PAFAH1B2: variants seen among roughly 807,000 people sequenced by gnomAD.
The protein encoded by PAFAH1B2 is platelet-activating factor acetylhydrolase IB subunit alpha2.
Under a neutral mutation model 28.0 loss-of-function variants are expected in PAFAH1B2, and 8 were observed. The ratio of observed to expected loss-of-function variants is 0.29; its 90% CI spans 0.17 to 0.52. The LOEUF (loss-of-function observed/expected upper bound fraction) is 0.52. Among genes scored for constraint, PAFAH1B2 ranks in the 20% least tolerant of loss-of-function variants. The probability of loss-of-function intolerance (pLI) is 0.97; values close to 1 mark genes in which losing one functional copy is unlikely to be tolerated. For synonymous variants in PAFAH1B2, 104 were observed against 103.2 expected (o/e 1.01, Z -0.05); for missense variants, 190 against 282.6 (o/e 0.67, Z 2.35).
In PAFAH1B2 at chr11:117,144,314, G is replaced by C. The variant is rs760290606; in HGVS notation, c.-112G>C. 1.5e-5 allele frequency: 6 copies of C among 397,856 alleles called. No individual in the cohort carries two copies. The highest frequency in any genetic ancestry group is 8.4e-5 in the South Asian group (5 of 59,646). 24.6% of individuals were successfully genotyped at this position (397,856 alleles called of 1,614,324 possible). On this transcript the variant is annotated 5_prime_UTR_variant, in exon 1 of 6. Coordinates refer to ENST00000527958, the MANE Select transcript of PAFAH1B2 (RefSeq NM_002572.4). ...AGGAGCTGCTGCTGGTGCTGGGGCC[G>C]GAGGAGGGACGCGCCGGAGCGGGAC...
At chr11:117,149,110 T>A (rs1301658684) in intron 1 of PAFAH1B2, among the ~76,000 whole-genome samples, 1 of 150,278 alleles carries the variant, frequency 6.7e-6, no homozygotes, top group East Asian at 2.0e-4. Context: ...CTTGAACTTC[T>A]GACCTCAGGT....
In PAFAH1B2 at chr11:117,168,446, GTTTTTTTTTTTTTTTT is replaced by G; in HGVS notation, c.*757_*772del. 6 of 234,820 alleles carry G rather than the reference GTTTTTTTTTTTTTTTT, an allele frequency of 2.6e-5. No homozygotes were observed. The highest frequency in any genetic ancestry group is 3.0e-5 in the Non-Finnish European group (6 of 200,708). The allele number at this position is 234,820 out of a possible 1,614,324, so 14.5% of individuals were successfully genotyped here. A position where few individuals can be genotyped will look rare whatever the true frequency, so the allele number is the denominator to read the frequency against. ...TCCCCTTCATTCCCCCCGCCACCCC[GTTTTTTTTTTTTTTTT>G]TTTTTTTTTGGTTCTTGTTGACATT... On this transcript the variant is annotated 3_prime_UTR_variant, in exon 6 of 6. Transcript: ENST00000527958.
At position 117,170,214 on chromosome 11, in the gene PAFAH1B2, A is replaced by G. The variant is rs1225451524; in HGVS notation, c.*2515A>G. 3 of 1,058,950 alleles carry G rather than the reference A, an allele frequency of 2.8e-6. No individual in the cohort carries two copies. The highest frequency in any genetic ancestry group is 1.6e-5 in the African/African-American group (1 of 60,736). The allele number at this position is 1,058,950 out of a possible 1,614,324, so 65.6% of individuals were successfully genotyped here. On this transcript the variant is annotated 3_prime_UTR_variant, in exon 6 of 6. Transcript: ENST00000527958. Reference sequence around the variant, plus strand: ...AGTCTTTGTACTTTTTAAAAAATCTATAAATTTAATGCACTGTCCAAGTGA... The same window carrying G: ...AGTCTTTGTACTTTTTAAAAAATCTGTAAATTTAATGCACTGTCCAAGTGA...
At chr11:117,175,554 C>G, downstream of PAFAH1B2, 1 of 1,111,346 alleles carries the variant, frequency 9.0e-7, no homozygotes, top group Admixed American at 4.9e-5. Context: ...GGATTTCTCT[C>G]CAGATATTGC....
chr11:117,175,344 C>T, downstream of PAFAH1B2: 11 of 1,069,664 alleles, frequency 1.0e-5, no homozygotes, highest in Non-Finnish European at 1.2e-5. Flanking sequence ...CATTCTCTCC[C>T]AGTGGACAGA....
chr11:117,176,897 C>CT (rs2030012674), downstream of PAFAH1B2: 1 of 146,810 alleles, frequency 6.8e-6, no homozygotes, highest in Non-Finnish European at 1.5e-5. Flanking sequence ...AAAAAAAAGT[C>CT]TAATTTGTCT....
At chr11:117,176,267 ATCC>A (rs2029975541) in exon 6 of PAFAH1B2, 1 of 398,932 alleles carries the variant, frequency 2.5e-6, no homozygotes, top group Non-Finnish European at 4.5e-6. Flanking sequence ...TCTGGTCTTC[ATCC>A]TCAAGTATGC....
chr11:117,156,829 A>G (rs1005480207), intron 2 of PAFAH1B2, among the ~76,000 whole-genome samples: 2 of 152,112 alleles, frequency 1.3e-5, no homozygotes, highest in South Asian at 2.1e-4. Context: ...AGCCTGGGAA[A>G]CATAGCAAAA....
rs1055134692 is a variant in PAFAH1B2, at chr11:117,170,334, C to T, written c.*2635C>T. The T allele has an allele frequency of 1.3e-5, 14 of 1,060,848 alleles. No homozygotes were observed. In the Admixed American group the frequency reaches 1.6e-4, roughly 12 times the overall value. 65.7% of individuals were successfully genotyped at this position (1,060,848 alleles called of 1,614,324 possible). ...CTCTCCCAGCAAATTTGTATTCCTT[C>T]GCCCACGCATTCCTGCTATACTAGA... On this transcript the variant is annotated 3_prime_UTR_variant, in exon 6 of 6. Coordinates refer to ENST00000527958, the MANE Select transcript of PAFAH1B2 (RefSeq NM_002572.4).
rs1956610037 is a variant in PAFAH1B2 at position 117,169,925 on chromosome 11, A to G, written c.*2226A>G. 9.5e-7 allele frequency: 1 copy of G among 1,053,558 alleles called. No homozygotes were observed. Among genetic ancestry groups the G allele is most frequent in the Admixed American group, 5.5e-5 (1 of 18,320 alleles). 65.3% of individuals were successfully genotyped at this position (1,053,558 alleles called of 1,614,324 possible). On this transcript the variant is annotated 3_prime_UTR_variant, in exon 6 of 6. Transcript: ENST00000527958. ...AGCTTCTCTCTTGACTGAGGATCAA[A>G]TATCCCTTTGTGAGCTGGCCCTCAG...
chr11:117,161,906 G>A (rs1956380646), intron 4 of PAFAH1B2, among the ~76,000 whole-genome samples: 1 of 152,142 alleles, frequency 6.6e-6, no homozygotes. Flanking sequence ...GGCCATGGGA[G>A]CAGGGCCATG....
At position 117,163,814 on chromosome 11, in the gene PAFAH1B2, A is replaced by G. The variant is rs1323995213; in HGVS notation, c.333A>G (p.Ala111=). Residue 111 remains alanine (A), a synonymous_variant, in exon 5 of 6, where the codon GCA becomes GCG. Transcript: ENST00000527958. ...WVGTNNHENT[A]EEVAGGIEAI... is the part of the protein sequence containing the mutation. ...GAACAAATAACCACGAAAATACAGC[A>G]GAAGAAGTAGCAGGTGGGATCGAGG... 1 of 1,614,098 alleles carries G rather than the reference A, an allele frequency of 6.2e-7. No homozygotes were observed. The highest frequency in any genetic ancestry group is 1.7e-5 in the Admixed American group (1 of 60,020).
intron 2 of PAFAH1B2, chr11:117,159,405 A>G (rs930526702): frequency 6.6e-6 from 1 of 152,250 alleles, no homozygotes; most frequent in Non-Finnish European, 1.5e-5. Context: ...GAAGTCTCAC[A>G]GGGAAAGAAA....
chr11:117,169,107 T>C lies in PAFAH1B2; in HGVS notation c.*1408T>C. The stretch of plus-strand genomic sequence containing the variant: ...TGCCTGGCCTTATTGGCTTAGTTTT[T>C]AAATTATCCTCCAAAAATTTTGGGC... On this transcript the variant is annotated 3_prime_UTR_variant, in exon 6 of 6. Coordinates refer to ENST00000527958, the MANE Select transcript of PAFAH1B2 (RefSeq NM_002572.4). 1 of 1,020,830 alleles carries C rather than the reference T, an allele frequency of 9.8e-7. No homozygotes were observed. The highest frequency in any genetic ancestry group is 1.2e-6 in the Non-Finnish European group (1 of 850,918). The allele number at this position is 1,020,830 out of a possible 1,614,324, so 63.2% of individuals were successfully genotyped here.
Position 117,170,304 on chromosome 11 carries a change from T to C in PAFAH1B2, c.*2605T>C. 9.4e-7 allele frequency: 1 copy of C among 1,062,164 alleles called. No homozygotes were observed. The highest frequency in any genetic ancestry group is 4.6e-5 in the South Asian group (1 of 21,874). 65.8% of individuals were successfully genotyped at this position (1,062,164 alleles called of 1,614,324 possible). A position where few individuals can be genotyped will look rare whatever the true frequency, so the allele number is the denominator to read the frequency against. ...CAGGCAGCTAGCAGAGATACTATTC[T>C]CTTCCTCTCCCAGCAAATTTGTATT... On this transcript the variant is annotated 3_prime_UTR_variant, in exon 6 of 6. Coordinates refer to ENST00000527958, the MANE Select transcript of PAFAH1B2 (RefSeq NM_002572.4).
intron 1 of PAFAH1B2, among the ~76,000 whole-genome samples, chr11:117,149,392 C>CTT (rs1555027868): frequency 7.4e-6 from 1 of 134,718 alleles, no homozygotes; most frequent in Non-Finnish European, 1.6e-5. Flanking sequence ...TAAAATCTAA[C>CTT]TTTTTAAAGA....
chr11:117,159,792 T>C lies in PAFAH1B2; in HGVS notation c.82-142T>C, dbSNP rs114167944. 531 of 598,026 alleles carry C rather than the reference T, an allele frequency of 8.9e-4. 1 individual carries two copies. In the African/African-American group the frequency reaches 9.0e-3, roughly 10 times the overall value. The allele number at this position is 598,026 out of a possible 1,614,324, so 37.0% of individuals were successfully genotyped here. On this transcript the variant is annotated intron_variant, in intron 2 of 5. Coordinates refer to ENST00000527958, the MANE Select transcript of PAFAH1B2 (RefSeq NM_002572.4). ...TTTTTGTAGAGATGGGATCTTGATA[T>C]ATTACCCAGGCTGATCTCAAACTCC...
chr11:117,175,390 G>A (rs1238789367), downstream of PAFAH1B2: 2 of 1,073,168 alleles, frequency 1.9e-6, no homozygotes, highest in South Asian at 8.8e-5. Context: ...GCGGGGTAGG[G>A]CAGAGGGACT....
chr11:117,159,389 G>A (rs1251538179), intron 2 of PAFAH1B2: 1 of 152,122 alleles, frequency 6.6e-6, no homozygotes. Flanking sequence ...GTTCTTTCTA[G>A]GCCAAGAAGT....
Sources: gnomAD v4.1 joint callset for allele counts (sites outside exome capture counted in the v4.1 genomes callset) on GRCh38, gnomAD v4.1.1 for gene constraint, MANE v1.5 for transcripts, NCBI Gene and HGNC (gene_info 2026-07-23, HGNC 2026-07-21) for gene names.